RRN3: variants seen among roughly 807,000 people sequenced by gnomAD.
RRN3 encodes RNA polymerase I transcription factor RRN3.
RRN3 carries 38 observed loss-of-function variants against 82.3 expected under a neutral mutation model. The observed-to-expected ratio is 0.46, with a 90% confidence interval of 0.36 to 0.61. RRN3 has a LOEUF of 0.61. RRN3 is among the 20% of genes least tolerant of loss of function. RRN3 has a pLI of 0.00. For synonymous variants in RRN3, 284 were observed against 284.3 expected (o/e 1.00, Z 0.01); for missense variants, 726 against 793.1 (o/e 0.92, Z 1.02).
chr16:15,062,767 T>G (rs1449906965), intron 17 of RRN3, among the ~76,000 whole-genome samples: 3 of 152,252 alleles, frequency 2.0e-5, no homozygotes. Context: ...AAGTGTCTGG[T>G]TTAAGCAATT....
At chr16:15,064,635 TA>T (rs773560030) in intron 16 of RRN3, among the ~76,000 whole-genome samples, 2 of 152,152 alleles carry the variant, frequency 1.3e-5, no homozygotes, top group Non-Finnish European at 2.9e-5. Context: ...AATAACAGTT[TA>T]AAGAAAAACA....
At chr16:15,072,134 T>C (rs58923875) in intron 12 of RRN3, among the ~76,000 whole-genome samples, 1 of 151,958 alleles carries the variant, frequency 6.6e-6, no homozygotes, top group East Asian at 1.9e-4. Context: ...GGCACACCCA[T>C]GTGGGCAGAC....
chr16:15,092,588 T>C lies in RRN3; in HGVS notation c.116A>G (p.Asn39Ser). ...TCTTGGGGGAGAATTGAAAAAGTCA[T>C]TCTCTAATGCACGCATATTTGAAAT... ...TGISNMRALE[N>S]DFFNSPPRKT... The change falls in exon 2 of 18, where the codon AAT (asparagine) becomes AGT (serine). Residue 39 changes from asparagine (N) to serine (S), a missense_variant. Physicochemically the swap from Asn to Ser is conservative, Grantham distance 46. This residue lies in a region of RRN3 where 135 missense variants were observed against 87.4 expected (regional missense o/e 1.55). Transcript: ENST00000198767. 6.2e-7 allele frequency: 1 copy of C among 1,612,476 alleles called. No individual in the cohort carries two copies. The highest frequency in any genetic ancestry group is 8.5e-7 in the Non-Finnish European group (1 of 1,178,534).
At chr16:15,089,933 G>A (rs1430002692) in intron 3 of RRN3, among the ~76,000 whole-genome samples, 2 of 151,828 alleles carry the variant, frequency 1.3e-5, no homozygotes, top group Admixed American at 6.6e-5. Context: ...CTGAGGCTGG[G>A]CTCAGTGGCT....
chr16:15,065,207 A>G lies in RRN3; in HGVS notation c.1706+12T>C. The G allele has an allele frequency of 6.3e-7, 1 of 1,585,192 alleles. No individual in the cohort carries two copies. The highest frequency in any genetic ancestry group is 8.6e-7 in the Non-Finnish European group (1 of 1,169,278). On this transcript the variant is annotated intron_variant, in intron 16 of 17. Coordinates refer to ENST00000198767, the MANE Select transcript of RRN3 (RefSeq NM_018427.5). ...TCCACCTCCTCCAGCGTCAATGTTT[A>G]AAAGTACCTACCTCTTCAGCACACA...
chr16:15,071,261 G>C lies in RRN3; in HGVS notation c.1129-10C>G, dbSNP rs534594175. 5.0e-6 allele frequency: 8 copies of C among 1,601,126 alleles called. No individual in the cohort carries two copies. The African/African-American group carries it at 6.7e-5, about 13-fold the overall frequency. ...ATGCCTCTGCGAATCCCTATAAAAA[G>C]AGAGGGCGTCGGTGTGATCTTTTTT... On this transcript the variant is annotated splice_polypyrimidine_tract_variant and intron_variant, in intron 12 of 17. Transcript: ENST00000198767.
chr16:15,094,321 A>C (rs1168002945), upstream of RRN3: 1 of 1,234,778 alleles, frequency 8.1e-7, no homozygotes, highest in Non-Finnish European at 1.1e-6. Flanking sequence ...TGCGCGTGCC[A>C]GCGCAACCTT....
intron 15 of RRN3, among the ~76,000 whole-genome samples, chr16:15,065,676 A>C (rs2044939573): frequency 6.6e-6 from 1 of 152,216 alleles, no homozygotes; most frequent in Non-Finnish European, 1.5e-5. Flanking sequence ...GATACTATTC[A>C]TTAAAAATAA....
chr16:15,070,258 G>C lies in RRN3; in HGVS notation c.1260-4C>G. ...ATCTAGGCATGATTTTACAGTACTA[G>C]AGAAAAGAAAAATTCAAGTCAACTT... is the stretch of plus-strand genomic sequence containing the variant. On this transcript the variant is annotated splice_region_variant and splice_polypyrimidine_tract_variant and intron_variant, in intron 13 of 17. Transcript: ENST00000198767. 1.2e-6 allele frequency: 2 copies of C among 1,611,392 alleles called. No individual in the cohort carries two copies. Among genetic ancestry groups the C allele is most frequent in the Middle Eastern group, 2.3e-4 (1 of 4,430 alleles).
At position 15,084,716 on chromosome 16, in the gene RRN3, A is replaced by G. The variant is rs1235989742; in HGVS notation, c.533-11T>C. 2.5e-6 allele frequency: 4 copies of G among 1,608,088 alleles called. No individual in the cohort carries two copies. The highest frequency in any genetic ancestry group is 2.7e-5 in the African/African-American group (2 of 74,864). On this transcript the variant is annotated splice_polypyrimidine_tract_variant and intron_variant, in intron 6 of 17. Coordinates refer to ENST00000198767, the MANE Select transcript of RRN3 (RefSeq NM_018427.5). ...AATTTGCAGGAAGATCTGAAAGGAG[A>G]AAAGTTCAGAGTATGAGCATCAAAA...
rs759961349 is a variant in RRN3 at position 15,071,161 on chromosome 16, T to C, written c.1219A>G (p.Ile407Val). ...TTAGCTCTTGCCAAAAAGCTTCCAA[T>C]ATAATTTCCAGCAGCCTGCCTGATG... is the stretch of plus-strand genomic sequence containing the variant. ...AIIRQAAGNY[I>V]GSFLARAKFI... The change falls in exon 13 of 18, where the codon ATT (isoleucine) becomes GTT (valine). Residue 407 changes from isoleucine (I) to valine (V), a missense_variant. Ile to Val is a conservative substitution (Grantham distance 29). Transcript: ENST00000198767. 4.3e-6 allele frequency: 7 copies of C among 1,610,368 alleles called. No homozygotes were observed. Among genetic ancestry groups the C allele is most frequent in the South Asian group, 2.2e-5 (2 of 90,408 alleles).
At chr16:15,071,965 C>A (rs557503936) in intron 12 of RRN3, among the ~76,000 whole-genome samples, 1 of 152,122 alleles carries the variant, frequency 6.6e-6, no homozygotes, top group Non-Finnish European at 1.5e-5. Context: ...AAGCACCTTC[C>A]GGTCTCTGGA....
At chr16:15,068,599 G>C (rs2045082101) in intron 14 of RRN3, among the ~76,000 whole-genome samples, 1 of 152,184 alleles carries the variant, frequency 6.6e-6, no homozygotes, top group African/African-American at 2.4e-5. Flanking sequence ...AGGGAGAAAA[G>C]ACCTTGTGAT....
intron 16 of RRN3, among the ~76,000 whole-genome samples, chr16:15,063,661 C>T (rs1461647738): frequency 3.5e-5 from 5 of 144,904 alleles, no homozygotes; most frequent in East Asian, 4.1e-4. Flanking sequence ...GCCGAGATCG[C>T]GCCACTGCAC....
chr16:15,067,816 G>A (rs1388817870), intron 15 of RRN3, among the ~76,000 whole-genome samples: 7 of 152,100 alleles, frequency 4.6e-5, no homozygotes, highest in South Asian at 4.1e-4. Flanking sequence ...GGAGTGCAGT[G>A]GTACAATCAG....
At chr16:15,062,545 T>G (rs1006482255) in intron 17 of RRN3, among the ~76,000 whole-genome samples, 4 of 152,200 alleles carry the variant, frequency 2.6e-5, no homozygotes, top group African/African-American at 9.6e-5. Context: ...TGTAACTGTC[T>G]CAGCTCCACC....
intron 14 of RRN3, among the ~76,000 whole-genome samples, chr16:15,068,657 T>G (rs1485176416): frequency 1.3e-5 from 2 of 152,214 alleles, no homozygotes; most frequent in African/African-American, 4.8e-5. Context: ...AAACAGCAAT[T>G]TGATTCTAGC....
rs773491232 is a variant in RRN3 at position 15,065,242 on chromosome 16, G to C, written c.1683C>G (p.Pro561=). The C allele has an allele frequency of 5.0e-6, 8 of 1,613,700 alleles. No homozygotes were observed. In the South Asian group the frequency reaches 7.7e-5, roughly 16 times the overall value. ...ICTNPLDTFF[P]FDPCVLKRSK... ...ACCTCTTCAGCACACAGGGATCAAA[G>C]GGGAAGAAGGTGTCCAGCGGGTTTG... Residue 561 remains proline, a synonymous_variant, in exon 16 of 18, where the codon CCC becomes CCG. Coordinates refer to ENST00000198767, the MANE Select transcript of RRN3 (RefSeq NM_018427.5).
chr16:15,072,006 G>A (rs1036419854), intron 12 of RRN3, among the ~76,000 whole-genome samples: 2 of 152,042 alleles, frequency 1.3e-5, no homozygotes, highest in Non-Finnish European at 2.9e-5. Context: ...ACAGAAATAC[G>A]GACTAACGCA....
Sources: allele counts gnomAD v4.1 joint callset (sites outside exome capture counted in the v4.1 genomes callset), GRCh38; gene constraint gnomAD v4.1.1; regional missense constraint gnomAD v4.1.1; transcripts MANE v1.5; gene names NCBI Gene and HGNC (gene_info 2026-07-23, HGNC 2026-07-21).